The following CPEB1 variants were observed in gnomAD, a reference collection of about 807,000 sequenced individuals.
CPEB1 encodes cytoplasmic polyadenylation element binding protein 1.
CPEB1 carries 7 observed loss-of-function variants against 65.8 expected under a neutral mutation model. The ratio of observed to expected loss-of-function variants is 0.11; its 90% CI spans 0.06 to 0.20. The LOEUF (loss-of-function observed/expected upper bound fraction) is 0.20. CPEB1 is among the 10% of genes least tolerant of loss of function. The pLI is 1.00. For missense variants in CPEB1, 551 were observed against 712.2 expected, an observed-to-expected ratio of 0.77 and a Z score of 2.58; for synonymous variants, 262 against 260.0, an observed-to-expected ratio of 1.01 and a Z score of -0.08.
At chr15:82,646,775 A>G (rs1430833942) in intron 1 of CPEB1, among the ~76,000 whole-genome samples, 1 of 152,122 alleles carries the variant, frequency 6.6e-6, no homozygotes, top group Non-Finnish European at 1.5e-5. Context: ...CCATGACATG[A>G]AAAAGCCTCG....
At chr15:82,590,209 CAAAAAAAAAAAAA>C (rs5814120) in intron 3 of CPEB1, among the ~76,000 whole-genome samples, 2,043 of 104,118 alleles carry the variant, frequency 0.02, 30 homozygotes, top group Non-Finnish European at 0.03. Flanking sequence ...ATCCCTTTGA[CAAAAAAAAAAAAA>C]AAAAAAAAAA....
At chr15:82,589,721 C>CA (rs545143207) in intron 3 of CPEB1, among the ~76,000 whole-genome samples, 2,648 of 139,136 alleles carry the variant, frequency 0.019, 27 homozygotes, top group South Asian at 0.038. Flanking sequence ...ACTCCAACTC[C>CA]AAAAAAAAAA....
At chr15:82,617,869 G>T (rs1008387847) in intron 3 of CPEB1, among the ~76,000 whole-genome samples, 1 of 148,950 alleles carries the variant, frequency 6.7e-6, no homozygotes, top group Non-Finnish European at 1.5e-5. Flanking sequence ...AAGTAGCTGG[G>T]ACTACAGGCG....
chr15:82,559,466 G>T (rs1344629532), intron 4 of CPEB1, among the ~76,000 whole-genome samples: 2 of 152,124 alleles, frequency 1.3e-5, no homozygotes, highest in Non-Finnish European at 2.9e-5. Context: ...CCAAGTAGAT[G>T]GAACTATATA....
chr15:82,585,937 C>A (rs1567202295), intron 3 of CPEB1, among the ~76,000 whole-genome samples: 1 of 151,396 alleles, frequency 6.6e-6, no homozygotes. Context: ...GAGTGTCAGG[C>A]ACTAGCTAGG....
rs913637875 is a variant in CPEB1, at chr15:82,607,179, A to G, written c.271+20014T>C. Among the ~76,000 whole-genome samples the G allele has an allele frequency of 4.7e-5, 7 of 147,682 alleles. 1 individual carries two copies. The highest frequency in any genetic ancestry group is 7.5e-5 in the Non-Finnish European group (5 of 66,874). ...GCAGGTGTATATCTTATCAGTAATT[A>G]TATTAAATGTAGATGGATCAAACTC... On this transcript the variant is annotated intron_variant, in intron 3 of 12. Transcript: ENST00000684509.
At chr15:82,577,868 C>T (rs548273603) in intron 3 of CPEB1, among the ~76,000 whole-genome samples, 15 of 151,332 alleles carry the variant, frequency 9.9e-5, no homozygotes, top group African/African-American at 3.4e-4. Flanking sequence ...GGGCCAGGCA[C>T]GGTGGCTCAC....
chr15:82,628,251 T>C (rs1194324801), intron 2 of CPEB1, 113 bp downstream of exon 2: 3 of 702,908 alleles, frequency 4.3e-6, no homozygotes, highest in Admixed American at 2.0e-5. Flanking sequence ...TTCACAGATT[T>C]ACCACAGAGC....
chr15:82,564,272 GTTTT>G (rs887642814), intron 4 of CPEB1, among the ~76,000 whole-genome samples: 37 of 149,524 alleles, frequency 2.5e-4, no homozygotes, highest in African/African-American at 7.7e-4. Context: ...GGACACAATG[GTTTT>G]TTTTGTTTTT....
upstream of CPEB1, chr15:82,648,789 C>G: frequency 1.3e-5 from 2 of 152,364 alleles, no homozygotes; most frequent in Middle Eastern, 6.7e-3. Flanking sequence ...CTGATACCGC[C>G]GGAGGGAAGC....
intron 10 of CPEB1, chr15:82,548,685 G>C (rs147384604): frequency 2.3e-4 from 107 of 455,792 alleles, no homozygotes; most frequent in African/African-American, 2.1e-3. Context: ...CCTATTAAGA[G>C]AGCTGGAAGA....
At position 82,546,492 on chromosome 15, in the gene CPEB1, A is replaced by G. The variant is rs1006915156; in HGVS notation, c.1605T>C (p.Ser535=). ...GCTGAGAACTGCAGATATGACACAG[A>G]GAATCTTCTAGGTAGGGGTCAATCT... The part of the protein sequence containing the change: ...KVQIDPYLED[S]LCHICSSQPG... Residue 535 remains serine, a synonymous_variant, in exon 12 of 13, where the codon TCT becomes TCC. Transcript: ENST00000684509. 6.2e-7 allele frequency: 1 copy of G among 1,614,100 alleles called. No individual in the cohort carries two copies. The highest frequency in any genetic ancestry group is 8.5e-7 in the Non-Finnish European group (1 of 1,179,942).
intron 1 of CPEB1, among the ~76,000 whole-genome samples, chr15:82,644,147 A>G (rs1473271118): frequency 6.6e-6 from 1 of 152,192 alleles, no homozygotes; most frequent in Non-Finnish European, 1.5e-5. Flanking sequence ...GACACAGCAC[A>G]TTCCTCCTAA....
chr15:82,600,125 A>G (rs1031467043), intron 3 of CPEB1, among the ~76,000 whole-genome samples: 2 of 152,210 alleles, frequency 1.3e-5, no homozygotes, highest in African/African-American at 4.8e-5. Context: ...AACCATATTT[A>G]AACTAAGAGT....
rs977490992 is a variant in CPEB1 at position 82,544,764 on chromosome 15, T to C, written c.1657-62A>G. 4.8e-3 allele frequency: 5,982 copies of C among 1,233,834 alleles called. 220 individuals carry two copies. In the African/African-American group the frequency reaches 0.077, roughly 16 times the overall value. The allele number at this position is 1,233,834 out of a possible 1,614,324, so 76.4% of individuals were successfully genotyped here. A position where few individuals can be genotyped will look rare whatever the true frequency, so the allele number is the denominator to read the frequency against. ...GTGTCAGCACCAGACACAGGAGCTG[T>C]TGCACGAGCTGCTTGTTCTGTTTGG... On this transcript the variant is annotated intron_variant, in intron 12 of 12. Transcript: ENST00000684509.
intron 1 of CPEB1, among the ~76,000 whole-genome samples, chr15:82,632,287 CATTT>C (rs1479792181): frequency 4.0e-5 from 6 of 151,838 alleles, no homozygotes; most frequent in Admixed American, 2.6e-4. Flanking sequence ...CAGCCAAATT[CATTT>C]ATTTTTTATA....
intron 3 of CPEB1, among the ~76,000 whole-genome samples, chr15:82,599,311 C>T (rs2042915089): frequency 6.6e-6 from 1 of 152,046 alleles, no homozygotes; most frequent in Non-Finnish European, 1.5e-5. Flanking sequence ...CAACCCTTCA[C>T]GATAGGTACT....
chr15:82,550,106 A>G (rs923233909), intron 9 of CPEB1, among the ~76,000 whole-genome samples: 4 of 152,186 alleles, frequency 2.6e-5, no homozygotes, highest in Non-Finnish European at 5.9e-5. Flanking sequence ...AGTGCTTACG[A>G]TATTTGTATG....
intron 1 of CPEB1, among the ~76,000 whole-genome samples, chr15:82,630,478 T>C (rs1368090495): frequency 6.6e-6 from 1 of 152,194 alleles, no homozygotes; most frequent in East Asian, 1.9e-4. Flanking sequence ...TGGTGGTACA[T>C]GCCTGTAGTC....
Sources: allele counts gnomAD v4.1 joint callset (sites outside exome capture counted in the v4.1 genomes callset), GRCh38; gene constraint gnomAD v4.1.1; transcripts MANE v1.5; gene names NCBI Gene and HGNC (gene_info 2026-07-23, HGNC 2026-07-21).